KIRREL3: variants seen among roughly 807,000 people sequenced by gnomAD.
The protein encoded by KIRREL3 is kirre like nephrin family adhesion molecule 3.
KIRREL3 carries 36 observed loss-of-function variants against 89.7 expected under a neutral mutation model. The ratio of observed to expected loss-of-function variants is 0.40; its 90% CI spans 0.31 to 0.53. The LOEUF is 0.53. KIRREL3 is among the 20% of genes least tolerant of loss of function. The pLI, the probability that KIRREL3 is intolerant of heterozygous loss-of-function variation, is 0.49. For synonymous variants in KIRREL3, 445 were observed against 441.4 expected (o/e 1.01, Z -0.10); for missense variants, 864 against 1,056.6 (o/e 0.82, Z 2.53).
At position 126,563,893 on chromosome 11, in the gene KIRREL3, G is replaced by C. The variant is rs1002234698; in HGVS notation, c.56-981C>G. Among the ~76,000 whole-genome samples the C allele has an allele frequency of 6.6e-6, 1 of 152,128 alleles. No individual in the cohort carries two copies. Among genetic ancestry groups the C allele is most frequent in the Non-Finnish European group, 1.5e-5 (1 of 68,036 alleles). ...CCTCTACCCCCAAACAACTCACTGA[G>C]GTGGGCATATGGGCCACTGCAACTG... On this transcript the variant is annotated intron_variant, in intron 1 of 16. Transcript: ENST00000525144. The surrounding 1 kb of genome is among the most constrained non-coding windows in gnomAD (Gnocchi z 6.8).
At chr11:126,902,476 A>T (rs1946411261) in intron 1 of KIRREL3, among the ~76,000 whole-genome samples, 1 of 152,252 alleles carries the variant, frequency 6.6e-6, no homozygotes, top group South Asian at 2.1e-4. Flanking sequence ...TATATTTCTT[A>T]TGAAACTAGG....
chr11:126,458,966 C>T (rs547906589), intron 6 of KIRREL3, among the ~76,000 whole-genome samples: 259 of 152,270 alleles, frequency 1.7e-3, no homozygotes, highest in African/African-American at 5.3e-3. Context: ...CTGATCTGGG[C>T]GTCCGTGGGA....
At position 126,843,642 on chromosome 11, in the gene KIRREL3, G is replaced by A. The variant is rs1174035843; in HGVS notation, c.55+156813C>T. Reference sequence around the variant, plus strand: ...CCTGAATAGGGGCTGGGTAAAATAAGGCTAACTTATTTAGCCTTAAAATAA... The same window carrying A: ...CCTGAATAGGGGCTGGGTAAAATAAAGCTAACTTATTTAGCCTTAAAATAA... On this transcript the variant is annotated intron_variant, in intron 1 of 16. Coordinates refer to ENST00000525144, the MANE Select transcript of KIRREL3 (RefSeq NM_032531.4). The surrounding 1 kb of genome is among the most constrained non-coding windows in gnomAD (Gnocchi z 4.6). Among the ~76,000 whole-genome samples, 3 of 152,140 alleles carry A rather than the reference G, an allele frequency of 2.0e-5. No homozygotes were observed. The highest frequency in any genetic ancestry group is 4.4e-5 in the Non-Finnish European group (3 of 68,030).
At chr11:126,559,746 T>G (rs1215919293) in intron 2 of KIRREL3, among the ~76,000 whole-genome samples, 1 of 152,172 alleles carries the variant, frequency 6.6e-6, no homozygotes, top group Non-Finnish European at 1.5e-5. Flanking sequence ...CTTGGCTCAC[T>G]GCAGCCTCTG....
intron 1 of KIRREL3, among the ~76,000 whole-genome samples, chr11:126,893,171 A>G (rs1488761166): frequency 6.6e-6 from 1 of 152,002 alleles, no homozygotes; most frequent in Non-Finnish European, 1.5e-5. Flanking sequence ...CCGTCAAACA[A>G]CTCAGTTAAA....
chr11:126,732,090 C>T (rs1943018882), intron 1 of KIRREL3, among the ~76,000 whole-genome samples: 1 of 152,168 alleles, frequency 6.6e-6, no homozygotes, highest in South Asian at 2.1e-4. Flanking sequence ...TCTCATTAAT[C>T]TCACCTCCTT....
chr11:126,952,432 GT>G (rs1173262689), intron 1 of KIRREL3, among the ~76,000 whole-genome samples: 1 of 151,850 alleles, frequency 6.6e-6, no homozygotes, highest in Non-Finnish European at 1.5e-5. Context: ...TGATGGGGTT[GT>G]TTTTTTCTGG....
Position 126,755,536 on chromosome 11 carries a change from T to TA in KIRREL3, c.56-192625dup, listed in dbSNP as rs922561849. Reference sequence around the variant, plus strand: ...TTTAAAAAAGACACACACCAGAAAGTAAAAAAACAAAACAACAACAACAAA... The same window carrying TA: ...TTTAAAAAAGACACACACCAGAAAGTAAAAAAAACAAAACAACAACAACAAA... On this transcript the variant is annotated intron_variant, in intron 1 of 16. Transcript: ENST00000525144. The surrounding 1 kb of genome is among the most constrained non-coding windows in gnomAD (Gnocchi z 4.3). 6.0e-5 allele frequency among the ~76,000 whole-genome samples: 9 copies of TA among 151,006 alleles called. No individual in the cohort carries two copies. The East Asian group carries it at 1.4e-3, about 23-fold the overall frequency.
rs1948860490 is a variant in KIRREL3 at position 126,954,342 on chromosome 11, T to A, written c.55+46113A>T. ...TAGAGTTGAGTTCAGACTTATTTTG[T>A]GCTATTATAGCCGATTGATTATTTA... On this transcript the variant is annotated intron_variant, in intron 1 of 16. Coordinates refer to ENST00000525144, the MANE Select transcript of KIRREL3 (RefSeq NM_032531.4). This position sits in a 1 kb window ranked among gnomAD's most constrained non-coding sequence, Gnocchi z 4.1. 6.6e-6 allele frequency among the ~76,000 whole-genome samples: 1 copy of A among 152,154 alleles called. No individual in the cohort carries two copies. Among genetic ancestry groups the A allele is most frequent in the African/African-American group, 2.4e-5 (1 of 41,434 alleles).
chr11:126,474,517 T>C lies in KIRREL3; in HGVS notation c.434-1051A>G, dbSNP rs1202447133. On this transcript the variant is annotated intron_variant, in intron 4 of 16. Coordinates refer to ENST00000525144, the MANE Select transcript of KIRREL3 (RefSeq NM_032531.4). The surrounding 1 kb of genome is among the most constrained non-coding windows in gnomAD (Gnocchi z 6.7). ...CAGTGGAGCCAGCGCTTCGGAGGGC[T>C]GTGTAAGCGCTGGCATCTCCTGAGC... is the stretch of plus-strand genomic sequence containing the variant. Among the ~76,000 whole-genome samples the C allele has an allele frequency of 6.6e-6, 1 of 152,208 alleles. No homozygotes were observed. Among genetic ancestry groups the C allele is most frequent in the Non-Finnish European group, 1.5e-5 (1 of 68,026 alleles).
intron 10 of KIRREL3, among the ~76,000 whole-genome samples, chr11:126,442,260 C>CAA (rs35542298): frequency 0.48 from 33,943 of 70,244 alleles, 8,365 homozygotes; most frequent in Middle Eastern, 0.68. Context: ...GACTCCAGCT[C>CAA]AAAAAAAAAA....
chr11:126,429,100 G>A lies in KIRREL3; in HGVS notation c.1806+79C>T, dbSNP rs1955038747. 8.9e-6 allele frequency: 8 copies of A among 903,790 alleles called. No individual in the cohort carries two copies. Among genetic ancestry groups the A allele is most frequent in the Non-Finnish European group, 1.4e-5 (8 of 564,220 alleles). 56.0% of individuals were successfully genotyped at this position (903,790 alleles called of 1,614,324 possible). A position where few individuals can be genotyped will look rare whatever the true frequency, so the allele number is the denominator to read the frequency against. ...CTGCTCTGCTTTTTGGAAGCATCTA[G>A]TTCATTGAGAAGCCTCTAGTCCCAG... On this transcript the variant is annotated intron_variant, in intron 15 of 16. Transcript: ENST00000525144. This position sits in a 1 kb window ranked among gnomAD's most constrained non-coding sequence, Gnocchi z 5.2.
Position 126,911,562 on chromosome 11 carries a change from C to T in KIRREL3, c.55+88893G>A, listed in dbSNP as rs138560135. On this transcript the variant is annotated intron_variant, in intron 1 of 16. Coordinates refer to ENST00000525144, the MANE Select transcript of KIRREL3 (RefSeq NM_032531.4). Reference sequence around the variant, plus strand: ...TTCTGCTGTGCCCCTCCTCTCTCCCCGCAGCAGTAATGATCTGACCTGTGG... The same window carrying T: ...TTCTGCTGTGCCCCTCCTCTCTCCCTGCAGCAGTAATGATCTGACCTGTGG... Among the ~76,000 whole-genome samples the T allele has an allele frequency of 3.0e-3, 460 of 152,274 alleles. 3 individuals are homozygous for T. Among genetic ancestry groups the T allele is most frequent in the Admixed American group, 0.01 (154 of 15,296 alleles).
intron 4 of KIRREL3, among the ~76,000 whole-genome samples, chr11:126,514,817 CA>C (rs1204160525): frequency 6.8e-5 from 3 of 43,944 alleles, no homozygotes; most frequent in Non-Finnish European, 1.7e-4. Flanking sequence ...GCCTCTCCAA[CA>C]CAACACAACA....
At chr11:126,928,606 A>T (rs1947815196) in intron 1 of KIRREL3, among the ~76,000 whole-genome samples, 1 of 152,226 alleles carries the variant, frequency 6.6e-6, no homozygotes, top group African/African-American at 2.4e-5. Flanking sequence ...GACTGGGGCT[A>T]TTTCAGAAGT....
intron 1 of KIRREL3, among the ~76,000 whole-genome samples, chr11:126,922,007 CATCTATCTTCCT>C (rs1295265742): frequency 4.6e-5 from 6 of 131,096 alleles, no homozygotes; most frequent in Non-Finnish European, 6.4e-5. Flanking sequence ...ATCTATCTAT[CATCTATCTTCCT>C]ATCTATCTTC....
Position 126,990,898 on chromosome 11 carries a change from C to T in KIRREL3, c.55+9557G>A, listed in dbSNP as rs1187712814. ...GGAAGGGTGGGAATCACTCCTCCTGCCACTCCCGGATGAACGTGCTAAGCT... is the reference window on the plus strand; with the variant it reads ...GGAAGGGTGGGAATCACTCCTCCTGTCACTCCCGGATGAACGTGCTAAGCT... On this transcript the variant is annotated intron_variant, in intron 1 of 16. Transcript: ENST00000525144. This position sits in a 1 kb window ranked among gnomAD's most constrained non-coding sequence, Gnocchi z 6.3. Among the ~76,000 whole-genome samples, 1 of 152,198 alleles carries T rather than the reference C, an allele frequency of 6.6e-6. No homozygotes were observed. The highest frequency in any genetic ancestry group is 1.5e-5 in the Non-Finnish European group (1 of 68,038).
chr11:126,439,373 T>A (rs1349803689), intron 11 of KIRREL3, among the ~76,000 whole-genome samples: 5 of 151,556 alleles, frequency 3.3e-5, no homozygotes, highest in African/African-American at 1.2e-4. Context: ...CACCTTAATT[T>A]TTTTGTTGTT....
chr11:126,669,232 T>C lies in KIRREL3; in HGVS notation c.56-106320A>G, dbSNP rs1945826799. On this transcript the variant is annotated intron_variant, in intron 1 of 16. Coordinates refer to ENST00000525144, the MANE Select transcript of KIRREL3 (RefSeq NM_032531.4). The surrounding 1 kb of genome is among the most constrained non-coding windows in gnomAD (Gnocchi z 5.0). ...CTAGTGTTGGGAGTTGTTAGACCCA[T>C]TGAACAGATGAAAATAAAAGGGGTC... Among the ~76,000 whole-genome samples, 1 of 152,132 alleles carries C rather than the reference T, an allele frequency of 6.6e-6. No individual in the cohort carries two copies. The highest frequency in any genetic ancestry group is 1.5e-5 in the Non-Finnish European group (1 of 68,030).
Sources: gnomAD v4.1 joint callset for allele counts (sites outside exome capture counted in the v4.1 genomes callset) on GRCh38, gnomAD v4.1.1 for gene constraint, Gnocchi (gnomAD v3.1) non-coding constraint, MANE v1.5 for transcripts, NCBI Gene and HGNC (gene_info 2026-07-23, HGNC 2026-07-21) for gene names.